Variants in GPC6 observed in about 807,000 individuals in gnomAD.
GPC6 encodes the protein glypican 6, also known as glypican-6.
In GPC6, 14 loss-of-function variants were observed where a neutral mutation model predicts 55.2. The observed-to-expected ratio is 0.25, with a 90% CI of 0.17 to 0.40. The LOEUF is 0.40. GPC6 is among the 10% of genes least tolerant of loss of function. The probability of loss-of-function intolerance (pLI) is 1.00; values close to 1 mark genes in which losing one functional copy is unlikely to be tolerated. For missense variants in GPC6, 641 were observed against 708.5 expected (o/e 0.90, Z 1.08); for synonymous variants, 278 against 259.6 (o/e 1.07, Z -0.68).
Position 93,559,101 on chromosome 13 carries a change from G to A in GPC6, c.319+13680G>A, listed in dbSNP as rs1212294992. Among the ~76,000 whole-genome samples the A allele has an allele frequency of 5.3e-5, 8 of 152,130 alleles. No individual in the cohort carries two copies. In the South Asian group the frequency reaches 6.2e-4, roughly 12 times the overall value. On this transcript the variant is annotated intron_variant, in intron 2 of 8. Transcript: ENST00000377047. ...TGCTATTCTACTTTTCAGATTTCTCGCCAAAGTGAATATGAACTGTGTTAT... is the reference window on the plus strand; with the variant it reads ...TGCTATTCTACTTTTCAGATTTCTCACCAAAGTGAATATGAACTGTGTTAT...
intron 4 of GPC6, among the ~76,000 whole-genome samples, chr13:94,134,727 G>A (rs1003455249): frequency 2.0e-5 from 3 of 152,036 alleles, no homozygotes; most frequent in African/African-American, 4.8e-5. Context: ...TAAGGTCTTT[G>A]TAGGGAATCT....
upstream of GPC6, among the ~76,000 whole-genome samples, chr13:93,225,350 C>T (rs552223913): frequency 7.9e-5 from 12 of 152,186 alleles, no homozygotes; most frequent in African/African-American, 2.6e-4. Flanking sequence ...TCTTGATTTC[C>T]GACTTGAGGG....
intron 2 of GPC6, among the ~76,000 whole-genome samples, chr13:93,582,593 T>C (rs1876989618): frequency 6.6e-6 from 1 of 152,210 alleles, no homozygotes; most frequent in African/African-American, 2.4e-5. Flanking sequence ...ACCTTTAGAT[T>C]GAACATATTT....
rs113336996 is a variant in GPC6, at chr13:93,711,748, C to A, written c.320-118406C>A. On this transcript the variant is annotated intron_variant, in intron 2 of 8. Coordinates refer to ENST00000377047, the MANE Select transcript of GPC6 (RefSeq NM_005708.5). ...CTGCCCCAGGGCATTTCTGACAAGA[C>A]CACTGGATACTGGCAGGACATCTTC... Among the ~76,000 whole-genome samples the A allele has an allele frequency of 3.1e-3, 476 of 151,850 alleles. 4 individuals are homozygous for A. Among genetic ancestry groups the A allele is most frequent in the African/African-American group, 0.011 (448 of 41,492 alleles).
intron 3 of GPC6, among the ~76,000 whole-genome samples, chr13:93,891,129 A>G (rs1252002443): frequency 6.6e-6 from 1 of 152,164 alleles, no homozygotes; most frequent in African/African-American, 2.4e-5. Flanking sequence ...TGGCTATTTG[A>G]CAAGTATACT....
At chr13:93,510,950 AATAT>A (rs148310932) in intron 1 of GPC6, among the ~76,000 whole-genome samples, 12,672 of 28,488 alleles carry the variant, frequency 0.44, 2,944 homozygotes, top group East Asian at 0.72. Context: ...TCTTTTGAGA[AATAT>A]ATATATATAT....
chr13:93,432,961 A>G (rs1877421331), intron 1 of GPC6, among the ~76,000 whole-genome samples: 1 of 190 alleles, frequency 5.3e-3, no homozygotes, highest in African/African-American at 0.011. Context: ...AGGAAAGAAA[A>G]AAGAAGAGGG....
intron 2 of GPC6, among the ~76,000 whole-genome samples, chr13:93,596,170 G>A (rs1877718580): frequency 6.6e-6 from 1 of 152,124 alleles, no homozygotes; most frequent in South Asian, 2.1e-4. Context: ...GGGATCAGAG[G>A]CCAGAGGCCA....
chr13:93,696,535 T>A (rs1470898537), intron 2 of GPC6, among the ~76,000 whole-genome samples: 2 of 151,714 alleles, frequency 1.3e-5, no homozygotes. Flanking sequence ...CCCTCCCCCT[T>A]TTTTTCCTTT....
At chr13:93,603,573 A>T (rs1878113592) in intron 2 of GPC6, among the ~76,000 whole-genome samples, 1 of 152,186 alleles carries the variant, frequency 6.6e-6, no homozygotes, top group African/African-American at 2.4e-5. Flanking sequence ...AATTTTTCTG[A>T]GGTCACACAT....
At chr13:93,995,610 A>C (rs997990950) in intron 3 of GPC6, among the ~76,000 whole-genome samples, 1 of 152,218 alleles carries the variant, frequency 6.6e-6, no homozygotes, top group Non-Finnish European at 1.5e-5. Context: ...AAATTGTTCT[A>C]GGTACTAGTG....
intron 2 of GPC6, among the ~76,000 whole-genome samples, chr13:93,829,326 A>G (rs996505672): frequency 1.3e-5 from 2 of 152,194 alleles, no homozygotes; most frequent in African/African-American, 4.8e-5. Context: ...CAGTGAGGCT[A>G]ATGATACCCA....
chr13:94,400,719 C>T (rs1393508918), intron 8 of GPC6, among the ~76,000 whole-genome samples: 4 of 152,180 alleles, frequency 2.6e-5, no homozygotes, highest in African/African-American at 9.7e-5. Context: ...CCTGGTTTCT[C>T]AGGAGCAGCT....
chr13:93,868,522 T>A (rs1889038379), intron 3 of GPC6, among the ~76,000 whole-genome samples: 1 of 151,806 alleles, frequency 6.6e-6, no homozygotes, highest in African/African-American at 2.4e-5. Context: ...GTTCCTCTCC[T>A]CACGAGTGAT....
At chr13:93,751,441 GA>G (rs973192922) in intron 2 of GPC6, among the ~76,000 whole-genome samples, 129 of 145,492 alleles carry the variant, frequency 8.9e-4, no homozygotes, top group African/African-American at 2.8e-3. Context: ...GAAAAAAGAA[GA>G]AAAAAAAAAC....
At chr13:94,284,352 TGGA>T (rs1892471229) in intron 4 of GPC6, among the ~76,000 whole-genome samples, 1 of 152,178 alleles carries the variant, frequency 6.6e-6, no homozygotes, top group Non-Finnish European at 1.5e-5. Context: ...CAAAAAATAT[TGGA>T]GGAGTTTTCT....
chr13:94,045,909 C>T (rs1883717017), intron 4 of GPC6, among the ~76,000 whole-genome samples: 1 of 151,900 alleles, frequency 6.6e-6, no homozygotes, highest in African/African-American at 2.4e-5. Flanking sequence ...ATGCATTATT[C>T]TATTGAACCA....
chr13:93,564,882 C>G (rs1876010870), intron 2 of GPC6, among the ~76,000 whole-genome samples: 1 of 152,146 alleles, frequency 6.6e-6, no homozygotes. Flanking sequence ...TTTGTTAATT[C>G]TCTGCTGTTG....
chr13:93,747,938 T>C (rs1257568365), intron 2 of GPC6, among the ~76,000 whole-genome samples: 1 of 152,156 alleles, frequency 6.6e-6, no homozygotes, highest in African/African-American at 2.4e-5. Context: ...CTTATTCACA[T>C]CTGTATTCAC....
Sources: gnomAD v4.1 joint callset for allele counts (sites outside exome capture counted in the v4.1 genomes callset) on GRCh38, gnomAD v4.1.1 for gene constraint, MANE v1.5 for transcripts, NCBI Gene and HGNC (gene_info 2026-07-23, HGNC 2026-07-21) for gene names.